GALNT13: variants seen among roughly 807,000 people sequenced by gnomAD.
The protein encoded by GALNT13 is polypeptide N-acetylgalactosaminyltransferase 13.
GALNT13 carries 28 observed loss-of-function variants against 64.2 expected under a neutral mutation model. That is an observed-to-expected ratio of 0.44 (90% CI 0.32 to 0.60). The LOEUF is 0.60. Among genes scored for constraint, GALNT13 ranks in the 20% least tolerant of loss-of-function variants. The pLI is 0.05. For missense variants in GALNT13, 577 were observed against 669.8 expected (o/e 0.86, Z 1.53); for synonymous variants, 214 against 224.6 (o/e 0.95, Z 0.42).
the GALNT13 span, among the ~76,000 whole-genome samples, chr2:153,743,580 C>T: frequency 6.6e-6 from 1 of 151,762 alleles, no homozygotes; most frequent in Non-Finnish European, 1.5e-5. Context: ...TTATGAGGCA[C>T]ATAAGATGTT....
the GALNT13 span, among the ~76,000 whole-genome samples, chr2:153,589,445 A>T: frequency 2.0e-5 from 3 of 151,874 alleles, no homozygotes; most frequent in Non-Finnish European, 4.4e-5. Context: ...AACTGTTCCA[A>T]CCTCTGCCCT....
chr2:153,933,838 CCTT>C (rs1380608930), intron 2 of GALNT13, among the ~76,000 whole-genome samples: 1 of 152,122 alleles, frequency 6.6e-6, no homozygotes, highest in Non-Finnish European at 1.5e-5. Flanking sequence ...TTTTATTTCT[CCTT>C]CTCTTACGAA....
the GALNT13 span, among the ~76,000 whole-genome samples, chr2:153,283,027 A>G: frequency 3.3e-5 from 5 of 152,300 alleles, no homozygotes; most frequent in East Asian, 1.9e-4. Context: ...GCTGCAGCCA[A>G]TGCAGGTGGA....
chr2:153,469,348 A>G, the GALNT13 span, among the ~76,000 whole-genome samples: 1 of 152,084 alleles, frequency 6.6e-6, no homozygotes, highest in African/African-American at 2.4e-5. Flanking sequence ...TTTATGGTTG[A>G]GAAATTTTCT....
chr2:154,061,813 T>C lies in GALNT13; in HGVS notation c.143-78524T>C, dbSNP rs574640405. Among the ~76,000 whole-genome samples, 33 of 152,338 alleles carry C rather than the reference T, an allele frequency of 2.2e-4. No homozygotes were observed. The South Asian group carries it at 3.1e-3, about 14-fold the overall frequency. ...GAGTTTTCATTAGGAGAAATTGCTT[T>C]CGTCATAATTTTAGCAGTCATTTAG... On this transcript the variant is annotated intron_variant, in intron 3 of 12. Coordinates refer to ENST00000392825, the MANE Select transcript of GALNT13 (RefSeq NM_052917.4).
At chr2:153,719,702 A>T in the GALNT13 span, among the ~76,000 whole-genome samples, 1 of 151,996 alleles carries the variant, frequency 6.6e-6, no homozygotes, top group Non-Finnish European at 1.5e-5. Context: ...GGGGTGACGG[A>T]CGCACCTGGA....
At chr2:154,189,158 A>G (rs536005853) in intron 4 of GALNT13, among the ~76,000 whole-genome samples, 7 of 152,086 alleles carry the variant, frequency 4.6e-5, no homozygotes, top group African/African-American at 1.4e-4. Flanking sequence ...GATGGAATGG[A>G]GATGCTTTTA....
the GALNT13 span, among the ~76,000 whole-genome samples, chr2:153,347,992 C>G: frequency 6.6e-6 from 1 of 152,180 alleles, no homozygotes; most frequent in Non-Finnish European, 1.5e-5. Flanking sequence ...TTTTCTGAAG[C>G]AGTGCTCAGT....
the GALNT13 span, among the ~76,000 whole-genome samples, chr2:153,458,817 T>C: frequency 6.6e-6 from 1 of 152,230 alleles, no homozygotes; most frequent in East Asian, 1.9e-4. Flanking sequence ...CAGTAACTAT[T>C]TTAAAAAGAT....
chr2:153,868,151 G>T (rs1415877096), upstream of GALNT13, among the ~76,000 whole-genome samples: 1 of 152,132 alleles, frequency 6.6e-6, no homozygotes, highest in African/African-American at 2.4e-5. Flanking sequence ...ATTAGCCTTA[G>T]CTCACTGCTG....
At chr2:153,752,508 T>C in the GALNT13 span, among the ~76,000 whole-genome samples, 2 of 152,132 alleles carry the variant, frequency 1.3e-5, no homozygotes, top group Admixed American at 1.3e-4. Context: ...TCACCAGATA[T>C]ACAATTCTAG....
chr2:153,952,071 G>A lies in GALNT13; in HGVS notation c.142+7432G>A, dbSNP rs76205300. Reference sequence around the variant, plus strand: ...ATTAACCCTTTCGTGCCACTCTGATGCCACCTGGAATTAAAGTGCACTAAA... The same window carrying A: ...ATTAACCCTTTCGTGCCACTCTGATACCACCTGGAATTAAAGTGCACTAAA... On this transcript the variant is annotated intron_variant, in intron 3 of 12. Coordinates refer to ENST00000392825, the MANE Select transcript of GALNT13 (RefSeq NM_052917.4). Among the ~76,000 whole-genome samples, 1,059 of 152,210 alleles carry A rather than the reference G, an allele frequency of 7.0e-3. 2 individuals carry two copies. Among genetic ancestry groups the A allele is most frequent in the Non-Finnish European group, 0.01 (704 of 68,012 alleles).
chr2:154,013,461 T>C (rs950287210), intron 3 of GALNT13, among the ~76,000 whole-genome samples: 24 of 152,140 alleles, frequency 1.6e-4, no homozygotes, highest in African/African-American at 5.6e-4. Flanking sequence ...GTGGTATCAG[T>C]GCTCACCTGT....
chr2:153,685,042 C>T, the GALNT13 span, among the ~76,000 whole-genome samples: 1 of 151,632 alleles, frequency 6.6e-6, no homozygotes, highest in African/African-American at 2.4e-5. Flanking sequence ...TTTTCTTTAT[C>T]CAGTCTATCA....
At chr2:153,324,800 G>A in the GALNT13 span, among the ~76,000 whole-genome samples, 2 of 152,348 alleles carry the variant, frequency 1.3e-5, no homozygotes, top group East Asian at 3.9e-4. Context: ...ATTTGCATAT[G>A]TTGAAGCAGC....
At chr2:154,424,496 C>T (rs1241638744) in intron 11 of GALNT13, among the ~76,000 whole-genome samples, 6 of 152,112 alleles carry the variant, frequency 3.9e-5, no homozygotes, top group Admixed American at 2.6e-4. Context: ...TGCTTCCAGC[C>T]CAACATCAAA....
the GALNT13 span, among the ~76,000 whole-genome samples, chr2:153,353,362 A>G: frequency 6.6e-6 from 1 of 152,144 alleles, no homozygotes; most frequent in Non-Finnish European, 1.5e-5. Flanking sequence ...CAACTCTTTC[A>G]TATTTCCTAC....
intron 9 of GALNT13, among the ~76,000 whole-genome samples, chr2:154,317,933 T>TA (rs61212172): frequency 0.31 from 44,891 of 144,786 alleles, 7,608 homozygotes; most frequent in East Asian, 0.56. Context: ...TACCAAAATC[T>TA]AAAAAAAAAA....
the GALNT13 span, among the ~76,000 whole-genome samples, chr2:153,340,301 A>T: frequency 1.3e-5 from 2 of 151,458 alleles, no homozygotes; most frequent in South Asian, 4.2e-4. Flanking sequence ...TTGTATCTTT[A>T]TTTATTTATT....
Sources: allele counts gnomAD v4.1 joint callset (sites outside exome capture counted in the v4.1 genomes callset), GRCh38; gene constraint gnomAD v4.1.1; transcripts MANE v1.5; gene names NCBI Gene and HGNC (gene_info 2026-07-23, HGNC 2026-07-21).